The following HSDL1 variants were observed in gnomAD, a reference collection of about 807,000 sequenced individuals.
HSDL1 encodes the protein inactive hydroxysteroid dehydrogenase-like protein 1.
In HSDL1, 29 loss-of-function variants were observed where a neutral mutation model predicts 31.5. The ratio of observed to expected loss-of-function variants is 0.92; its 90% confidence interval spans 0.69 to 1.26. HSDL1 has a LOEUF of 1.26. HSDL1 is among the 50% of genes most tolerant of loss of function. HSDL1 has a pLI of 0.00. For synonymous variants in HSDL1, 222 were observed against 155.2 expected, an observed-to-expected ratio of 1.43 and a Z score of -3.20; for missense variants, 503 against 416.6, an observed-to-expected ratio of 1.21 and a Z score of -1.81.
At position 84,123,023 on chromosome 16, in the gene HSDL1, C is replaced by T. The variant is rs1443760772; in HGVS notation, c.*1607G>A. The stretch of plus-strand genomic sequence containing the variant: ...CTGCTGCTTATTATACATCAAAGTT[C>T]ACGTCAATGTGGCATGAAGTCAAGA... On this transcript the variant is annotated 3_prime_UTR_variant, in exon 6 of 6. Transcript: ENST00000219439. 1.3e-5 allele frequency: 2 copies of T among 152,172 alleles called. No homozygotes were observed. Among genetic ancestry groups the T allele is most frequent in the African/African-American group, 4.8e-5 (2 of 41,430 alleles). The allele number at this position is 152,172 out of a possible 1,614,324, so 9.4% of individuals were successfully genotyped here.
At chr16:84,131,945 T>C (rs1016904206) in intron 2 of HSDL1, among the ~76,000 whole-genome samples, 2 of 152,232 alleles carry the variant, frequency 1.3e-5, no homozygotes, top group South Asian at 2.1e-4. Context: ...CCTCCCAAAG[T>C]GCTGGGATTA....
At chr16:84,130,948 A>G in intron 3 of HSDL1, 154 bp downstream of exon 3, 1 of 661,278 alleles carries the variant, frequency 1.5e-6, no homozygotes, top group Non-Finnish European at 2.6e-6. Flanking sequence ...GAGAGCAGTA[A>G]GAAAATGAAA....
rs765766966 is a variant in HSDL1, at chr16:84,130,315, C to G, written c.337G>C (p.Asp113His). The change falls in exon 4 of 6, where the codon GAC becomes CAC. Residue 113 changes from aspartate (D) to histidine (H), a missense_variant. Transcript: ENST00000219439. The part of the protein sequence containing the change: ...KLQVVAKDIA[D>H]TYKVETDIIV... ...ATATCAGTTTCCACTTTGTACGTGT[C>G]GGCTATGTCTTTAGCAACAACCTGC... 1 of 1,614,182 alleles carries G rather than the reference C, an allele frequency of 6.2e-7. No individual in the cohort carries two copies. Among genetic ancestry groups the G allele is most frequent in the Non-Finnish European group, 8.5e-7 (1 of 1,180,034 alleles).
intron 5 of HSDL1, among the ~76,000 whole-genome samples, chr16:84,127,209 CTTTTTTTTTTTT>C (rs71148881): frequency 1.9e-3 from 182 of 93,400 alleles, no homozygotes; most frequent in Non-Finnish European, 2.7e-3. Flanking sequence ...ACTGTTTCTT[CTTTTTTTTTTTT>C]TTTTTTTTTT....
chr16:84,124,867 C>G, intron 5 of HSDL1, 139 bp from the exon 6 acceptor site: 1 of 571,402 alleles, frequency 1.8e-6, no homozygotes, highest in South Asian at 2.1e-5. Context: ...CCACCAATCA[C>G]AACAAATACC....
chr16:84,142,707 G>C (rs1328386061), intron 1 of HSDL1, among the ~76,000 whole-genome samples: 1 of 151,990 alleles, frequency 6.6e-6, no homozygotes, highest in Non-Finnish European at 1.5e-5. Context: ...GCCTCCCAAA[G>C]CACTGGGATG....
intron 1 of HSDL1, among the ~76,000 whole-genome samples, chr16:84,142,022 G>A: frequency 6.6e-6 from 1 of 151,654 alleles, no homozygotes; most frequent in East Asian, 2.0e-4. Context: ...CCGCCTTCCG[G>A]GCTCAAGCCA....
At chr16:84,144,715 G>A (rs777465690) in intron 1 of HSDL1, among the ~76,000 whole-genome samples, 4 of 151,600 alleles carry the variant, frequency 2.6e-5, no homozygotes, top group Admixed American at 6.6e-5. Context: ...ATGCGCCGGC[G>A]ACAACGGGGT....
chr16:84,136,803 G>C (rs902423502), intron 1 of HSDL1, among the ~76,000 whole-genome samples: 1 of 152,208 alleles, frequency 6.6e-6, no homozygotes, highest in African/African-American at 2.4e-5. Context: ...AAATCACAGA[G>C]CATCAGGGGG....
chr16:84,127,910 G>A (rs964109824), intron 5 of HSDL1, among the ~76,000 whole-genome samples: 6 of 150,870 alleles, frequency 4.0e-5, no homozygotes, highest in Non-Finnish European at 5.9e-5. Context: ...TAATAGAGAC[G>A]GGGTTTCACG....
Position 84,129,718 on chromosome 16 carries a change from A to G in HSDL1, c.724T>C (p.Phe242Leu). ...TAGAAAGGGATTAGACTCTGTACAA[A>G]GATTCCTTTAGAGGCATATTCATAT... ...LQYEYASKGI[F>L]VQSLIPFYVA... Residue 242 changes from phenylalanine (F) to leucine (L), a missense_variant, in exon 5 of 6, where the codon TTT becomes CTT. Phe to Leu is a conservative substitution (Grantham distance 22). Coordinates refer to ENST00000219439, the MANE Select transcript of HSDL1 (RefSeq NM_031463.5). 6.2e-7 allele frequency: 1 copy of G among 1,614,246 alleles called. No individual in the cohort carries two copies. The highest frequency in any genetic ancestry group is 8.5e-7 in the Non-Finnish European group (1 of 1,180,044).
chr16:84,141,727 T>G (rs1051429405), intron 1 of HSDL1, among the ~76,000 whole-genome samples: 7 of 152,222 alleles, frequency 4.6e-5, no homozygotes, highest in African/African-American at 1.7e-4. Context: ...TGGTTTTAAT[T>G]TACATTTCCC....
At chr16:84,126,589 C>T (rs912066347) in intron 5 of HSDL1, among the ~76,000 whole-genome samples, 2 of 152,266 alleles carry the variant, frequency 1.3e-5, no homozygotes, top group East Asian at 1.9e-4. Context: ...GTTCTAACAC[C>T]GTGTATACGA....
At chr16:84,130,931 C>T in intron 3 of HSDL1, 171 bp downstream of exon 3, 1 of 620,572 alleles carries the variant, frequency 1.6e-6, no homozygotes, top group Admixed American at 3.0e-5. Flanking sequence ...CCAGTTCTTC[C>T]TAAGATGAGA....
rs1225070908 is a variant in HSDL1 at position 84,131,343 on chromosome 16, AAG to A, written c.-6-18_-6-17del. The A allele has an allele frequency of 2.6e-6, 4 of 1,539,304 alleles. No homozygotes were observed. Among genetic ancestry groups the A allele is most frequent in the East Asian group, 2.2e-5 (1 of 44,548 alleles). ...CCATGGCAACCTGCAGGGAGAGGGA[AAG>A]AGAGAGAGCCTCTTTGATTAATAAA... On this transcript the variant is annotated splice_polypyrimidine_tract_variant and intron_variant, in intron 2 of 5. Coordinates refer to ENST00000219439, the MANE Select transcript of HSDL1 (RefSeq NM_031463.5).
At chr16:84,141,516 T>G (rs937463714) in intron 1 of HSDL1, among the ~76,000 whole-genome samples, 1 of 152,258 alleles carries the variant, frequency 6.6e-6, no homozygotes, top group Non-Finnish European at 1.5e-5. Flanking sequence ...TGCACACCTG[T>G]GCAAGAGTTC....
Position 84,124,599 on chromosome 16 carries a change from T to A in HSDL1, c.*31A>T. 2.2e-6 allele frequency: 3 copies of A among 1,384,012 alleles called. No individual in the cohort carries two copies. Among genetic ancestry groups the A allele is most frequent in the Admixed American group, 3.4e-5 (2 of 59,236 alleles). 85.7% of individuals were successfully genotyped at this position (1,384,012 alleles called of 1,614,324 possible). ...GTCAGAATATCGAGGTTCCCAGGAG[T>A]TGGCAAAACTTCTCAAGTGGCCATC... On this transcript the variant is annotated 3_prime_UTR_variant, in exon 6 of 6. Transcript: ENST00000219439.
intron 1 of HSDL1, among the ~76,000 whole-genome samples, chr16:84,140,276 T>C (rs948192188): frequency 3.3e-5 from 5 of 152,210 alleles, no homozygotes; most frequent in African/African-American, 1.2e-4. Context: ...AAAGAAATTT[T>C]TGTTTTTAGG....
At chr16:84,143,163 G>A (rs781068782) in intron 1 of HSDL1, among the ~76,000 whole-genome samples, 3 of 152,120 alleles carry the variant, frequency 2.0e-5, no homozygotes, top group Non-Finnish European at 2.9e-5. Flanking sequence ...GTTCACAGTG[G>A]CCTACTCACA....
Sources: allele counts gnomAD v4.1 joint callset (sites outside exome capture counted in the v4.1 genomes callset), GRCh38; gene constraint gnomAD v4.1.1; transcripts MANE v1.5; gene names NCBI Gene and HGNC (gene_info 2026-07-23, HGNC 2026-07-21).